Variants in NUBPL observed in about 807,000 individuals in gnomAD.
The protein encoded by NUBPL is iron-sulfur cluster transfer protein NUBPL.
In NUBPL, 31 loss-of-function variants were observed where a neutral mutation model predicts 45.7. The observed-to-expected ratio is 0.68, with a 90% CI of 0.51 to 0.92. The LOEUF is 0.92. NUBPL is among the 40% of genes least tolerant of loss of function. NUBPL has a pLI of 0.00. For missense variants in NUBPL, 401 were observed against 398.7 expected (o/e 1.01, Z -0.05); for synonymous variants, 144 against 140.9 (o/e 1.02, Z -0.15).
intron 6 of NUBPL, among the ~76,000 whole-genome samples, chr14:31,722,862 A>G (rs986978505): frequency 1.3e-5 from 2 of 151,990 alleles, no homozygotes; most frequent in Non-Finnish European, 2.9e-5. Flanking sequence ...GAGTTTGTGA[A>G]TATTTTCTCT....
chr14:31,726,196 A>G (rs2037920607), intron 6 of NUBPL, among the ~76,000 whole-genome samples: 1 of 152,194 alleles, frequency 6.6e-6, no homozygotes, highest in Non-Finnish European at 1.5e-5. Context: ...AGAACCTGGT[A>G]TTTGTACTCC....
chr14:31,791,843 A>G (rs562684427), intron 7 of NUBPL, among the ~76,000 whole-genome samples: 2 of 152,308 alleles, frequency 1.3e-5, no homozygotes, highest in Admixed American at 1.3e-4. Flanking sequence ...TTCTTTAATA[A>G]TTTAATCAAT....
At chr14:31,728,833 T>G (rs1454284153) in intron 6 of NUBPL, among the ~76,000 whole-genome samples, 1 of 152,232 alleles carries the variant, frequency 6.6e-6, no homozygotes, top group African/African-American at 2.4e-5. Context: ...GCCAAAGTTA[T>G]TATCTAATTT....
intron 3 of NUBPL, among the ~76,000 whole-genome samples, chr14:31,573,839 A>C (rs2033651136): frequency 6.6e-6 from 1 of 152,144 alleles, no homozygotes; most frequent in Non-Finnish European, 1.5e-5. Context: ...TTTGTTTACT[A>C]TCTCCTCTGC....
intron 8 of NUBPL, among the ~76,000 whole-genome samples, chr14:31,841,917 C>CTTTTT (rs547795007): frequency 0.017 from 744 of 42,984 alleles, 192 homozygotes; most frequent in African/African-American, 0.06. Flanking sequence ...CGATTCTGGG[C>CTTTTT]TTTTTTTTTT....
chr14:31,725,281 A>G (rs2037896103), intron 6 of NUBPL, among the ~76,000 whole-genome samples: 1 of 152,210 alleles, frequency 6.6e-6, no homozygotes, highest in Non-Finnish European at 1.5e-5. Flanking sequence ...ACACAGAGAC[A>G]GAGAGGTCAA....
chr14:31,716,815 T>G (rs945625654), intron 6 of NUBPL, among the ~76,000 whole-genome samples: 2 of 152,172 alleles, frequency 1.3e-5, no homozygotes, highest in African/African-American at 4.8e-5. Flanking sequence ...GACTTAATGA[T>G]TGACACTACC....
intron 7 of NUBPL, among the ~76,000 whole-genome samples, chr14:31,815,187 C>A (rs1413244566): frequency 6.6e-6 from 1 of 151,550 alleles, no homozygotes; most frequent in Non-Finnish European, 1.5e-5. Context: ...TTTTTTTTTC[C>A]ATTTTTTTGT....
In NUBPL at chr14:31,637,299, T is replaced by C. The variant is rs546964242; in HGVS notation, c.383-36056T>C. 5.9e-5 allele frequency among the ~76,000 whole-genome samples: 9 copies of C among 152,294 alleles called. No homozygotes were observed. In the South Asian group the frequency reaches 6.2e-4, roughly 11 times the overall value. Reference sequence around the variant, plus strand: ...TTCTGGTATGTTGTGTCTTTGTTCTTGTTGGTTTCAAAGAACATCTTTATT... The same window carrying C: ...TTCTGGTATGTTGTGTCTTTGTTCTCGTTGGTTTCAAAGAACATCTTTATT... On this transcript the variant is annotated intron_variant, in intron 4 of 10. Coordinates refer to ENST00000281081, the MANE Select transcript of NUBPL (RefSeq NM_025152.3).
At chr14:31,707,067 C>G (rs966040578) in intron 6 of NUBPL, among the ~76,000 whole-genome samples, 4 of 152,154 alleles carry the variant, frequency 2.6e-5, no homozygotes, top group African/African-American at 7.2e-5. Context: ...CCCATTGTGT[C>G]TTTTTTTCCT....
At chr14:31,742,089 T>C (rs902982122) in intron 6 of NUBPL, among the ~76,000 whole-genome samples, 4 of 152,046 alleles carry the variant, frequency 2.6e-5, no homozygotes, top group Admixed American at 1.3e-4. Flanking sequence ...AGGAAGGAGA[T>C]AGGAAACCCA....
At chr14:31,602,104 C>T (rs1463545785) in intron 4 of NUBPL, among the ~76,000 whole-genome samples, 3 of 152,014 alleles carry the variant, frequency 2.0e-5, no homozygotes, top group Admixed American at 1.3e-4. Context: ...ATGGATGAAA[C>T]TGGAAATCAT....
intron 4 of NUBPL, among the ~76,000 whole-genome samples, chr14:31,631,943 A>G (rs1204658644): frequency 6.6e-6 from 1 of 152,146 alleles, no homozygotes; most frequent in African/African-American, 2.4e-5. Context: ...CCAAAGTGAC[A>G]TAAAAATTAA....
At chr14:31,844,561 T>C (rs570843631) in intron 8 of NUBPL, 1 of 152,348 alleles carries the variant, frequency 6.6e-6, no homozygotes, top group South Asian at 2.1e-4. Context: ...TTGCTATAGA[T>C]TTATGTCTTT....
chr14:31,672,483 A>G (rs2036595015), intron 4 of NUBPL, among the ~76,000 whole-genome samples: 1 of 152,066 alleles, frequency 6.6e-6, no homozygotes, highest in African/African-American at 2.4e-5. Flanking sequence ...ATTTTTTTTG[A>G]GACAGAGTCT....
chr14:31,692,784 T>A (rs1254089249), intron 6 of NUBPL, among the ~76,000 whole-genome samples: 2 of 152,212 alleles, frequency 1.3e-5, no homozygotes, highest in Non-Finnish European at 2.9e-5. Context: ...CTCTGCTTAA[T>A]CCTGTATAAA....
rs563170569 is a variant in NUBPL at position 31,571,873 on chromosome 14, G to A, written c.291+6825G>A. Among the ~76,000 whole-genome samples, 4 of 152,298 alleles carry A rather than the reference G, an allele frequency of 2.6e-5. No individual in the cohort carries two copies. The South Asian group carries it at 8.3e-4, about 32-fold the overall frequency. The stretch of plus-strand genomic sequence containing the variant: ...CTAACTTTCATGGAGCATTCATTAT[G>A]TGTCAAGCACTGTTATATGTGCTTT... On this transcript the variant is annotated intron_variant, in intron 3 of 10. Coordinates refer to ENST00000281081, the MANE Select transcript of NUBPL (RefSeq NM_025152.3).
intron 7 of NUBPL, among the ~76,000 whole-genome samples, chr14:31,803,215 ATTGT>A (rs1286892667): frequency 1.3e-5 from 2 of 152,198 alleles, no homozygotes; most frequent in African/African-American, 4.8e-5. Context: ...AGTTTCCTTG[ATTGT>A]TTGGCATTTA....
At chr14:31,799,209 G>A (rs1595644612) in intron 7 of NUBPL, among the ~76,000 whole-genome samples, 1 of 151,994 alleles carries the variant, frequency 6.6e-6, no homozygotes, top group Non-Finnish European at 1.5e-5. Context: ...ATATTAGCTA[G>A]ATACAAGATA....
Sources: allele counts gnomAD v4.1 joint callset (sites outside exome capture counted in the v4.1 genomes callset), GRCh38; gene constraint gnomAD v4.1.1; transcripts MANE v1.5; gene names NCBI Gene and HGNC (gene_info 2026-07-23, HGNC 2026-07-21).